Variants in DENND6A observed in about 807,000 individuals in gnomAD.
DENND6A encodes DENN domain containing 6A.
In DENND6A, 43 loss-of-function variants were observed where a neutral mutation model predicts 95.5. That is an observed-to-expected ratio of 0.45 (90% CI 0.35 to 0.58). The LOEUF (loss-of-function observed/expected upper bound fraction) is 0.58, where lower values mean the gene tolerates loss of function less well. Among genes scored for constraint, DENND6A ranks in the 20% least tolerant of loss-of-function variants. The probability of loss-of-function intolerance (pLI) is 0.00; values close to 1 mark genes in which losing one functional copy is unlikely to be tolerated. For synonymous variants in DENND6A, 257 were observed against 260.4 expected (o/e 0.99, Z 0.13); for missense variants, 574 against 736.0 (o/e 0.78, Z 2.55).
chr3:57,686,833 G>A (rs1057013573), intron 1 of DENND6A, among the ~76,000 whole-genome samples: 2 of 151,972 alleles, frequency 1.3e-5, no homozygotes, highest in African/African-American at 4.8e-5. Context: ...TTGCAACTGG[G>A]GCAATGAATA....
rs1361252566 is a variant in DENND6A at position 57,660,808 on chromosome 3, T to C, written c.651A>G (p.Pro217=). 6.2e-7 allele frequency: 1 copy of C among 1,609,618 alleles called. No individual in the cohort carries two copies. The highest frequency in any genetic ancestry group is 1.3e-5 in the African/African-American group (1 of 74,890). The change falls in exon 7 of 20, where the codon CCA becomes CCG. Residue 217 remains proline (P), a synonymous_variant. Transcript: ENST00000311128. ...ACNDVDRWPA[P]VPGKTLHLPI... ...GCAGGTGTAATGTTTTCCCTGGCAC[T>C]GGGGCAGGCCATCGATCAACATCAT...
intron 11 of DENND6A, 45 bp downstream of exon 11, chr3:57,645,616 G>T: frequency 1.5e-6 from 2 of 1,370,438 alleles, no homozygotes; most frequent in Non-Finnish European, 1.0e-6. Context: ...ACACAATTTT[G>T]GTTATAAAGG....
chr3:57,626,378 C>A lies in DENND6A; in HGVS notation c.*1836G>T, dbSNP rs1275450978. 6.6e-6 allele frequency: 1 copy of A among 152,180 alleles called. No individual in the cohort carries two copies. The highest frequency in any genetic ancestry group is 2.4e-5 in the African/African-American group (1 of 41,438). The allele number at this position is 152,180 out of a possible 1,614,324, so 9.4% of individuals were successfully genotyped here. ...ATTTAGAGGATAATTCAAGACACAGCTATTAACCACATGCTGTGTCATGTG... is the reference window on the plus strand; with the variant it reads ...ATTTAGAGGATAATTCAAGACACAGATATTAACCACATGCTGTGTCATGTG... On this transcript the variant is annotated 3_prime_UTR_variant, in exon 20 of 20. Coordinates refer to ENST00000311128, the MANE Select transcript of DENND6A (RefSeq NM_152678.3).
rs938248627 is a variant in DENND6A, at chr3:57,627,008, C to T, written c.*1206G>A. 3 of 152,062 alleles carry T rather than the reference C, an allele frequency of 2.0e-5. No individual in the cohort carries two copies. Among genetic ancestry groups the T allele is most frequent in the South Asian group, 2.1e-4 (1 of 4,826 alleles). The allele number at this position is 152,062 out of a possible 1,614,324, so 9.4% of individuals were successfully genotyped here. A position where few individuals can be genotyped will look rare whatever the true frequency, so the allele number is the denominator to read the frequency against. On this transcript the variant is annotated 3_prime_UTR_variant, in exon 20 of 20. Coordinates refer to ENST00000311128, the MANE Select transcript of DENND6A (RefSeq NM_152678.3). ...ACTCAAATAAGTATCACATAAAAAACTCATGAATGCCTTTGAAATAAGAAT... is the reference window on the plus strand; with the variant it reads ...ACTCAAATAAGTATCACATAAAAAATTCATGAATGCCTTTGAAATAAGAAT...
chr3:57,631,308 C>T (rs148373872), intron 15 of DENND6A: 2,067 of 199,444 alleles, frequency 0.01, 46 homozygotes, highest in African/African-American at 0.045. Context: ...GCGATTCTCC[C>T]GCCTCAGTCT....
intron 3 of DENND6A, among the ~76,000 whole-genome samples, chr3:57,666,562 G>T (rs2071526898): frequency 6.6e-6 from 1 of 152,172 alleles, no homozygotes; most frequent in Admixed American, 6.5e-5. Context: ...AGCAAAAGAT[G>T]CCAAACACAA....
At position 57,677,887 on chromosome 3, in the gene DENND6A, T is replaced by C. The variant is rs558214916; in HGVS notation, c.238-5449A>G. Among the ~76,000 whole-genome samples, 5 of 152,290 alleles carry C rather than the reference T, an allele frequency of 3.3e-5. No homozygotes were observed. The East Asian group carries it at 9.6e-4, about 29-fold the overall frequency. ...TGACTCTTTCCCCTATCAGCTGGGA[T>C]TAATATAATCCTTCTCAGTTCCTAA... On this transcript the variant is annotated intron_variant, in intron 1 of 19. Coordinates refer to ENST00000311128, the MANE Select transcript of DENND6A (RefSeq NM_152678.3).
intron 1 of DENND6A, among the ~76,000 whole-genome samples, chr3:57,683,227 A>C (rs2077182348): frequency 6.6e-6 from 1 of 152,154 alleles, no homozygotes; most frequent in African/African-American, 2.4e-5. Context: ...TGAGTAATAC[A>C]GATAGAATTC....
At chr3:57,674,011 C>A (rs1464807382) in intron 1 of DENND6A, among the ~76,000 whole-genome samples, 1 of 152,134 alleles carries the variant, frequency 6.6e-6, no homozygotes, top group Non-Finnish European at 1.5e-5. Context: ...CTCAGGTGAT[C>A]CACCTGCCTT....
At chr3:57,675,858 G>A (rs1385352970) in intron 1 of DENND6A, among the ~76,000 whole-genome samples, 1 of 152,176 alleles carries the variant, frequency 6.6e-6, no homozygotes, top group Non-Finnish European at 1.5e-5. Flanking sequence ...GTCACAGAAG[G>A]CATCTTGTGT....
intron 1 of DENND6A, among the ~76,000 whole-genome samples, chr3:57,687,665 G>A (rs550639535): frequency 4.6e-5 from 7 of 152,190 alleles, no homozygotes; most frequent in African/African-American, 9.6e-5. Flanking sequence ...AGGTGTGGTC[G>A]CTCATGTCTG....
intron 1 of DENND6A, among the ~76,000 whole-genome samples, chr3:57,677,419 CT>C (rs71088101): frequency 2.0e-3 from 137 of 68,742 alleles, no homozygotes; most frequent in South Asian, 2.6e-3. Flanking sequence ...CTTTGTTGTC[CT>C]TTTTTTTTTT....
intron 1 of DENND6A, among the ~76,000 whole-genome samples, chr3:57,679,798 T>G (rs372570538): frequency 6.6e-6 from 1 of 152,200 alleles, no homozygotes; most frequent in East Asian, 1.9e-4. Context: ...GGAGAATTTT[T>G]AACCTTGAAT....
At chr3:57,679,119 CA>C (rs1248474681) in intron 1 of DENND6A, among the ~76,000 whole-genome samples, 1 of 152,150 alleles carries the variant, frequency 6.6e-6, no homozygotes, top group African/African-American at 2.4e-5. Context: ...AAAAACAAAA[CA>C]AAACAAAATG....
intron 3 of DENND6A, among the ~76,000 whole-genome samples, chr3:57,670,599 C>A (rs533166331): frequency 1.3e-5 from 2 of 152,306 alleles, no homozygotes; most frequent in South Asian, 2.1e-4. Flanking sequence ...AAATGTATGT[C>A]CTGCTTTTAG....
rs778443704 is a variant in DENND6A, at chr3:57,645,744, T to C, written c.954A>G (p.Pro318=). 16 of 1,612,600 alleles carry C rather than the reference T, an allele frequency of 9.9e-6. No homozygotes were observed. In the East Asian group the frequency reaches 3.3e-4, roughly 34 times the overall value. Residue 318 remains proline, a synonymous_variant, in exon 11 of 20, where the codon CCA becomes CCG. Coordinates refer to ENST00000311128, the MANE Select transcript of DENND6A (RefSeq NM_152678.3). ...GTCGGAAATCACTGAAGTACTTTAA[T>C]GGAGAAATACAGCTGTGGAGCAGGA... is the stretch of plus-strand genomic sequence containing the variant. ...TVLALVNCIS[P]LKYFSDFRPY... is the part of the protein sequence containing the mutation.
intron 11 of DENND6A, among the ~76,000 whole-genome samples, chr3:57,643,598 C>G (rs528117599): frequency 6.6e-6 from 1 of 151,576 alleles, no homozygotes; most frequent in Non-Finnish European, 1.5e-5. Flanking sequence ...GAGGCTGAGG[C>G]GGGTGGATCA....
At chr3:57,643,467 T>C (rs1422597568) in intron 11 of DENND6A, among the ~76,000 whole-genome samples, 1 of 152,052 alleles carries the variant, frequency 6.6e-6, no homozygotes, top group African/African-American at 2.4e-5. Context: ...CACAGAGATA[T>C]TGGCTAGAAA....
intron 1 of DENND6A, among the ~76,000 whole-genome samples, chr3:57,687,130 A>G (rs534552340): frequency 1.2e-3 from 178 of 152,280 alleles, no homozygotes; most frequent in African/African-American, 4.0e-3. Context: ...AAGCGCTGAG[A>G]ATACAGGCCT....
Sources: allele counts gnomAD v4.1 joint callset (sites outside exome capture counted in the v4.1 genomes callset), GRCh38; gene constraint gnomAD v4.1.1; transcripts MANE v1.5; gene names NCBI Gene and HGNC (gene_info 2026-07-23, HGNC 2026-07-21).